Variants in APP observed in about 807,000 individuals in gnomAD.
The protein encoded by APP is amyloid beta precursor protein.
A neutral mutation model predicts 101.4 loss-of-function variants in APP; 31 were observed. That is an observed-to-expected ratio of 0.31 (90% CI 0.23 to 0.41). The LOEUF (loss-of-function observed/expected upper bound fraction) is 0.41, where lower values mean the gene tolerates loss of function less well. Among genes scored for constraint, APP ranks in the 10% least tolerant of loss-of-function variants. The pLI, the probability that APP is intolerant of heterozygous loss-of-function variation, is 1.00. For missense variants in APP, 839 were observed against 1,003.7 expected (o/e 0.84, Z 2.22); for synonymous variants, 366 against 364.4 (o/e 1.00, Z -0.05).
chr21:26,109,832 G>A (rs1014591292), intron 2 of APP, among the ~76,000 whole-genome samples: 5 of 152,058 alleles, frequency 3.3e-5, no homozygotes, highest in South Asian at 2.1e-4. Context: ...CAAAATAGTC[G>A]ATTCACCAGA....
In APP at chr21:26,152,284, C is replaced by CAAAAAAAAA. The variant is rs1161739630; in HGVS notation, c.57+18271_57+18279dup. On this transcript the variant is annotated intron_variant, in intron 1 of 17. Transcript: ENST00000346798. ...TGGGCGACAGAGCAAGACTCCATCT[C>CAAAAAAAAA]AAAAAAAAAAAAAAAAAAAAAAATG... Among the ~76,000 whole-genome samples the CAAAAAAAAA allele has an allele frequency of 9.1e-4, 33 of 36,168 alleles. 1 individual carries two copies. The highest frequency in any genetic ancestry group is 1.9e-3 in the African/African-American group (13 of 6,816). 23.7% of individuals were successfully genotyped at this position (36,168 alleles called of 152,430 possible).
intron 11 of APP, among the ~76,000 whole-genome samples, chr21:25,970,006 AAGAG>A (rs34800671): frequency 5.7e-4 from 84 of 146,712 alleles, no homozygotes; most frequent in East Asian, 1.6e-3. Flanking sequence ...GAAACAGAGA[AAGAG>A]AGAGAGAGAG....
chr21:26,114,483 T>G (rs554952579), intron 1 of APP, among the ~76,000 whole-genome samples: 1 of 152,318 alleles, frequency 6.6e-6, no homozygotes, highest in African/African-American at 2.4e-5. Flanking sequence ...ACAAACCCTT[T>G]GCTACCAGAA....
chr21:25,978,313 T>C (rs2042297277), intron 9 of APP, among the ~76,000 whole-genome samples: 1 of 152,152 alleles, frequency 6.6e-6, no homozygotes, highest in Non-Finnish European at 1.5e-5. Context: ...CTGTGAACAG[T>C]GAATTTCACT....
intron 3 of APP, among the ~76,000 whole-genome samples, chr21:26,073,537 T>C (rs2061446450): frequency 6.6e-6 from 1 of 152,126 alleles, no homozygotes; most frequent in East Asian, 1.9e-4. Flanking sequence ...AACTTCTGAC[T>C]ACCATATAAA....
chr21:26,007,123 A>T (rs1357057962), intron 6 of APP, among the ~76,000 whole-genome samples: 2 of 151,920 alleles, frequency 1.3e-5, no homozygotes, highest in Non-Finnish European at 2.9e-5. Flanking sequence ...AAGAATATCT[A>T]CTTAAACTTC....
intron 3 of APP, among the ~76,000 whole-genome samples, chr21:26,086,238 C>T (rs1009515182): frequency 5.3e-5 from 8 of 152,260 alleles, no homozygotes; most frequent in Admixed American, 5.2e-4. Flanking sequence ...GAATCTTACC[C>T]TCTGGTTCCA....
At chr21:25,951,736 T>C (rs575823411) in intron 13 of APP, among the ~76,000 whole-genome samples, 3 of 152,190 alleles carry the variant, frequency 2.0e-5, no homozygotes, top group Non-Finnish European at 4.4e-5. Context: ...AAAGCAACAC[T>C]TTTTATTATG....
chr21:26,063,068 T>C (rs1407346060), intron 3 of APP, among the ~76,000 whole-genome samples: 8 of 152,046 alleles, frequency 5.3e-5, no homozygotes, highest in Admixed American at 5.2e-4. Flanking sequence ...CCAGCCTGGG[T>C]TAACAATTCT....
intron 13 of APP, chr21:25,935,303 A>T (rs1014376671): frequency 2.0e-5 from 3 of 151,824 alleles, no homozygotes; most frequent in African/African-American, 4.8e-5. Context: ...TTGTGTATTT[A>T]AAAAAAAATC....
rs149756120 is a variant in APP at position 26,044,781 on chromosome 21, G to T, written c.662+6219C>A. Among the ~76,000 whole-genome samples, 392 of 152,100 alleles carry T rather than the reference G, an allele frequency of 2.6e-3. 1 individual carries two copies. Among genetic ancestry groups the T allele is most frequent in the African/African-American group, 8.9e-3 (368 of 41,500 alleles). On this transcript the variant is annotated intron_variant, in intron 5 of 17. Transcript: ENST00000346798. ...CTCGAACTCCCAACCTCAGGCGATCGGCCCACCTCGGCCTCCCAAAGTGCT... is the reference window on the plus strand; with the variant it reads ...CTCGAACTCCCAACCTCAGGCGATCTGCCCACCTCGGCCTCCCAAAGTGCT...
chr21:26,143,486 T>A (rs550796180), intron 1 of APP, among the ~76,000 whole-genome samples: 4 of 152,378 alleles, frequency 2.6e-5, no homozygotes, highest in African/African-American at 4.8e-5. Flanking sequence ...TGTTTTGATA[T>A]ATGTATACAC....
Position 25,891,689 on chromosome 21 carries a change from C to G in APP, c.2211+33G>C, listed in dbSNP as rs774394741. ...GCCTAATTCTCTCATAGTCTTAATT[C>G]CCACTTGGAAACATGCAGTCAAGTT... On this transcript the variant is annotated intron_variant, in intron 17 of 17. Coordinates refer to ENST00000346798, the MANE Select transcript of APP (RefSeq NM_000484.4). 7 of 1,610,494 alleles carry G rather than the reference C, an allele frequency of 4.3e-6. No homozygotes were observed. In the East Asian group the frequency reaches 1.6e-4, roughly 36 times the overall value.
At chr21:25,890,742 A>G (rs2146232903) in intron 17 of APP, among the ~76,000 whole-genome samples, 1 of 149,846 alleles carries the variant, frequency 6.7e-6, no homozygotes, top group East Asian at 1.9e-4. Context: ...AAAAAAAAGC[A>G]ATGGGGAATA....
At chr21:26,094,114 CAA>C (rs539941515) in intron 2 of APP, among the ~76,000 whole-genome samples, 47 of 73,106 alleles carry the variant, frequency 6.4e-4, no homozygotes, top group Middle Eastern at 9.3e-3. Context: ...GACTCGGTCT[CAA>C]AAAAAAAAAA....
chr21:26,164,786 G>A (rs536686182), intron 1 of APP, among the ~76,000 whole-genome samples: 2 of 151,508 alleles, frequency 1.3e-5, no homozygotes, highest in Admixed American at 6.6e-5. Flanking sequence ...AACCCAGGAG[G>A]CGGAGGTTGC....
chr21:26,087,840 T>C (rs1164627548), intron 3 of APP, among the ~76,000 whole-genome samples: 1 of 152,248 alleles, frequency 6.6e-6, no homozygotes, highest in Non-Finnish European at 1.5e-5. Flanking sequence ...TTTCCCTAAA[T>C]GGTGCATAAT....
intron 1 of APP, among the ~76,000 whole-genome samples, chr21:26,166,906 AAGAG>A (rs1316626916): frequency 3.1e-4 from 12 of 38,112 alleles, no homozygotes; most frequent in Non-Finnish European, 6.1e-4. Context: ...GAGAGAGAGA[AAGAG>A]AGAGAAAGAG....
chr21:25,898,454 G>GT (rs1200137299), intron 15 of APP, among the ~76,000 whole-genome samples: 1 of 152,118 alleles, frequency 6.6e-6, no homozygotes, highest in Non-Finnish European at 1.5e-5. Flanking sequence ...AGTAAAAAAT[G>GT]TAAATGTCAG....
Sources: gnomAD v4.1 joint callset for allele counts (sites outside exome capture counted in the v4.1 genomes callset) on GRCh38, gnomAD v4.1.1 for gene constraint, MANE v1.5 for transcripts, NCBI Gene and HGNC (gene_info 2026-07-23, HGNC 2026-07-21) for gene names.